SGCD: variants seen among roughly 807,000 people sequenced by gnomAD.
SGCD encodes sarcoglycan delta.
A neutral mutation model predicts 36.6 loss-of-function variants in SGCD; 18 were observed. The observed-to-expected ratio is 0.49, with a 90% CI of 0.34 to 0.73. The LOEUF (loss-of-function observed/expected upper bound fraction) is 0.73. Among genes scored for constraint, SGCD ranks in the 30% least tolerant of loss-of-function variants. The pLI is 0.01. For synonymous variants in SGCD, 133 were observed against 130.6 expected (o/e 1.02, Z -0.12); for missense variants, 387 against 346.7 (o/e 1.12, Z -0.92).
chr5:156,647,281 A>G (rs1214421307), intron 6 of SGCD, among the ~76,000 whole-genome samples, 183 bp from the exon 7 acceptor site: 3 of 152,168 alleles, frequency 2.0e-5, no homozygotes, highest in Non-Finnish European at 4.4e-5. Context: ...TTGTTTTTCA[A>G]AGGCTGTTTG....
At chr5:156,298,262 TC>T (rs904155764) in intron 3 of SGCD, among the ~76,000 whole-genome samples, 11 of 152,202 alleles carry the variant, frequency 7.2e-5, no homozygotes, top group African/African-American at 2.4e-4. Flanking sequence ...TAATTTCATT[TC>T]CTTTGGATAA....
At chr5:156,195,937 A>G (rs1433277798) in intron 3 of SGCD, among the ~76,000 whole-genome samples, 1 of 152,188 alleles carries the variant, frequency 6.6e-6, no homozygotes, top group African/African-American at 2.4e-5. Flanking sequence ...TACTCCCAGA[A>G]TGAAACTCAT....
chr5:156,729,760 A>G (rs375955918), intron 7 of SGCD, among the ~76,000 whole-genome samples: 9 of 152,322 alleles, frequency 5.9e-5, no homozygotes, highest in African/African-American at 2.2e-4. Flanking sequence ...GCAGAACTAA[A>G]AATAACTTCT....
intron 7 of SGCD, among the ~76,000 whole-genome samples, chr5:156,700,191 C>T (rs1254361757): frequency 6.6e-6 from 1 of 152,200 alleles, no homozygotes; most frequent in African/African-American, 2.4e-5. Context: ...ACTAGTCTCT[C>T]TTTAACGTCA....
chr5:156,118,017 C>T (rs1473829485), intron 2 of SGCD: 1 of 152,068 alleles, frequency 6.6e-6, no homozygotes, highest in Non-Finnish European at 1.5e-5. Context: ...TGTTGGGTAT[C>T]TAGAGATATA....
At chr5:156,147,853 T>G (rs1039689953) in intron 3 of SGCD, among the ~76,000 whole-genome samples, 1 of 152,210 alleles carries the variant, frequency 6.6e-6, no homozygotes, top group Non-Finnish European at 1.5e-5. Flanking sequence ...CCAGGTTAAA[T>G]GACTCATTGA....
intron 4 of SGCD, among the ~76,000 whole-genome samples, chr5:156,537,906 G>C (rs1758188333): frequency 6.6e-6 from 1 of 152,000 alleles, no homozygotes; most frequent in Admixed American, 6.6e-5. Context: ...CCTTCTCATG[G>C]TTCTGGGCCT....
At chr5:156,684,433 C>T (rs983212532) in intron 7 of SGCD, among the ~76,000 whole-genome samples, 6 of 152,180 alleles carry the variant, frequency 3.9e-5, no homozygotes, top group African/African-American at 1.4e-4. Flanking sequence ...TAGATTCCAG[C>T]TATGGTGAAT....
the SGCD span, among the ~76,000 whole-genome samples, chr5:155,761,577 G>A: frequency 0.086 from 8,443 of 98,660 alleles, 716 homozygotes; most frequent in African/African-American, 0.25. Flanking sequence ...CAACTTCTCC[G>A]TCATCCTCTC....
Position 156,718,805 on chromosome 5 carries a change from C to CA in SGCD, c.576-38760dup, listed in dbSNP as rs34120629. On this transcript the variant is annotated intron_variant, in intron 7 of 8. Coordinates refer to ENST00000337851, the MANE Select transcript of SGCD (RefSeq NM_000337.6). ...CAACAAAGTGAGACCCTATTTCTAC[C>CA]AAAAAAAAAAAAAAAATGAAAGAAA... 6.2e-3 allele frequency among the ~76,000 whole-genome samples: 691 copies of CA among 111,940 alleles called. 4 individuals are homozygous for CA. Among genetic ancestry groups the CA allele is most frequent in the African/African-American group, 0.014 (482 of 34,374 alleles). 73.4% of individuals were successfully genotyped at this position (111,940 alleles called of 152,430 possible). A position where few individuals can be genotyped will look rare whatever the true frequency, so the allele number is the denominator to read the frequency against.
chr5:156,725,850 A>G (rs1188972483), intron 7 of SGCD, among the ~76,000 whole-genome samples: 1 of 152,350 alleles, frequency 6.6e-6, no homozygotes, highest in African/African-American at 2.4e-5. Flanking sequence ...TTTGAAGAAA[A>G]AAACAAACTT....
chr5:156,423,180 A>T (rs374733155), intron 3 of SGCD, among the ~76,000 whole-genome samples: 1 of 5,496 alleles, frequency 1.8e-4, no homozygotes, highest in Non-Finnish European at 6.6e-4. Context: ...TAATATAATT[A>T]ATTATATAAT....
At chr5:156,653,492 G>GTTTTTTTTTTTTTTT (rs1561839559) in intron 7 of SGCD, among the ~76,000 whole-genome samples, 59 of 5,802 alleles carry the variant, frequency 0.01, 1 homozygote, top group Admixed American at 0.019. Flanking sequence ...TCTAAAGCTT[G>GTTTTTTTTTTTTTTT]CTTTTTTTTT....
Position 156,512,212 on chromosome 5 carries a change from A to AC in SGCD, c.294+3510_294+3511insC, listed in dbSNP as rs1166838276. Reference sequence around the variant, plus strand: ...GTCTCAAAAAAAAAAAAAAAAAAAAAAGGAACAATTGACTGTTTTATCAAA... The same window carrying AC: ...GTCTCAAAAAAAAAAAAAAAAAAAAACAGGAACAATTGACTGTTTTATCAAA... On this transcript the variant is annotated intron_variant, in intron 4 of 8. Coordinates refer to ENST00000337851, the MANE Select transcript of SGCD (RefSeq NM_000337.6). Among the ~76,000 whole-genome samples, 29 of 151,946 alleles carry AC rather than the reference A, an allele frequency of 1.9e-4. No homozygotes were observed. In the East Asian group the frequency reaches 5.6e-3, roughly 30 times the overall value.
intron 3 of SGCD, among the ~76,000 whole-genome samples, chr5:156,161,585 A>G (rs1348684803): frequency 1.3e-5 from 2 of 151,922 alleles, no homozygotes; most frequent in South Asian, 2.1e-4. Context: ...AACCAAGGCT[A>G]TATATGTTGG....
intron 3 of SGCD, among the ~76,000 whole-genome samples, chr5:156,274,791 A>G (rs1242424249): frequency 6.6e-6 from 1 of 152,132 alleles, no homozygotes. Context: ...TCCAACAGAC[A>G]TGGAGTCTTG....
intron 3 of SGCD, among the ~76,000 whole-genome samples, chr5:156,364,803 C>T (rs1770000088): frequency 6.6e-6 from 1 of 152,196 alleles, no homozygotes. Context: ...TACACACTGG[C>T]TTGGAAACTT....
chr5:156,700,081 C>T (rs1754471090), intron 7 of SGCD, among the ~76,000 whole-genome samples: 1 of 152,168 alleles, frequency 6.6e-6, no homozygotes, highest in African/African-American at 2.4e-5. Flanking sequence ...ATCATTCCCG[C>T]CCAACTAAAC....
At chr5:156,042,597 G>T (rs1349348625) in intron 1 of SGCD, among the ~76,000 whole-genome samples, 4 of 152,126 alleles carry the variant, frequency 2.6e-5, no homozygotes, top group Non-Finnish European at 5.9e-5. Flanking sequence ...GTTTTGATGG[G>T]CCTGGAAGTG....
Sources: allele counts gnomAD v4.1 joint callset (sites outside exome capture counted in the v4.1 genomes callset), GRCh38; gene constraint gnomAD v4.1.1; transcripts MANE v1.5; gene names NCBI Gene and HGNC (gene_info 2026-07-23, HGNC 2026-07-21).